The following RAB37 variants were observed in gnomAD, a reference collection of about 807,000 sequenced individuals.
The protein encoded by RAB37 is RAB37, member RAS oncogene family, also known as ras-related protein Rab-37.
A neutral mutation model predicts 33.1 loss-of-function variants in RAB37; 29 were observed. The ratio of observed to expected loss-of-function variants is 0.88; its 90% CI spans 0.65 to 1.20. The LOEUF is 1.20. Ranked by LOEUF, RAB37 falls within the 50% of genes most tolerant of loss-of-function variation. The probability of loss-of-function intolerance (pLI) is 0.00; values close to 1 mark genes in which losing one functional copy is unlikely to be tolerated. For synonymous variants in RAB37, 128 were observed against 119.5 expected, an observed-to-expected ratio of 1.07 and a Z score of -0.47; for missense variants, 299 against 301.1, an observed-to-expected ratio of 0.99 and a Z score of 0.05.
At chr17:74,743,772 T>G (rs1405873441) in intron 5 of RAB37, among the ~76,000 whole-genome samples, 1 of 152,144 alleles carries the variant, frequency 6.6e-6, no homozygotes, top group Non-Finnish European at 1.5e-5. Context: ...AGACAAAAAT[T>G]TGATAAATTC....
At chr17:74,710,797 G>A (rs2033897136) in intron 1 of RAB37, among the ~76,000 whole-genome samples, 1 of 152,000 alleles carries the variant, frequency 6.6e-6, no homozygotes, top group Non-Finnish European at 1.5e-5. Flanking sequence ...AATCTGGGAG[G>A]CAGAGGTTGC....
At chr17:74,743,717 TCAGA>T (rs1381402523) in intron 5 of RAB37, among the ~76,000 whole-genome samples, 2 of 152,062 alleles carry the variant, frequency 1.3e-5, no homozygotes, top group Non-Finnish European at 2.9e-5. Flanking sequence ...AGTGACTCAG[TCAGA>T]CAGAGTGAGT....
chr17:74,736,451 C>A, upstream of RAB37: 4 of 1,231,256 alleles, frequency 3.2e-6, no homozygotes, highest in Admixed American at 3.2e-5. Flanking sequence ...CCTGGGATAT[C>A]CTGGCAGCTC....
rs796560834 is a variant in RAB37, at chr17:74,708,751, CT to C, written c.73-20504del. Among the ~76,000 whole-genome samples, 20 of 152,096 alleles carry C rather than the reference CT, an allele frequency of 1.3e-4. 1 individual carries two copies. The highest frequency in any genetic ancestry group is 4.8e-4 in the African/African-American group (20 of 41,470). ...CTAACACGGTGAAACCCTGTCTCTA[CT>C]AAAAATACAAAAAATTAGCCAGGCG... On this transcript the variant is annotated intron_variant, in intron 1 of 7. Coordinates refer to the RAB37 transcript ENST00000340415.
chr17:74,733,567 G>GA, upstream of RAB37, among the ~76,000 whole-genome samples: 1 of 2,402 alleles, frequency 4.2e-4, no homozygotes, highest in African/African-American at 1.0e-3. Context: ...AGGTGTGTGT[G>GA]TGTGGTGAGG....
intron 1 of RAB37, among the ~76,000 whole-genome samples, chr17:74,724,192 T>C (rs1470049969): frequency 1.3e-5 from 2 of 152,216 alleles, no homozygotes; most frequent in African/African-American, 4.8e-5. Context: ...TTACACATTT[T>C]AGGGAGACAT....
chr17:74,729,234 T>C lies in RAB37; in HGVS notation c.73-22T>C. ...AACTCACATCACAGGCCCTCAGCTCTCTCTCTATTGTTCCCTTCCAGACCA... is the reference window on the plus strand; with the variant it reads ...AACTCACATCACAGGCCCTCAGCTCCCTCTCTATTGTTCCCTTCCAGACCA... On this transcript the variant is annotated intron_variant, in intron 1 of 7. Transcript: ENST00000340415. The surrounding 1 kb of genome is among the most constrained non-coding windows in gnomAD (Gnocchi z 4.2). The C allele has an allele frequency of 1.9e-6, 3 of 1,580,560 alleles. No homozygotes were observed.
intron 1 of RAB37, among the ~76,000 whole-genome samples, chr17:74,688,615 T>C (rs1045634344): frequency 6.7e-6 from 1 of 150,194 alleles, no homozygotes; most frequent in African/African-American, 2.4e-5. Context: ...AGAAAGACTA[T>C]TGACCAATAA....
chr17:74,727,463 G>A (rs1453538388), intron 1 of RAB37, among the ~76,000 whole-genome samples: 1 of 152,238 alleles, frequency 6.6e-6, no homozygotes, highest in Non-Finnish European at 1.5e-5. Context: ...GCAGTATCTG[G>A]AGGGTTGTGC....
intron 1 of RAB37, chr17:74,702,932 G>A: frequency 1.1e-6 from 1 of 942,672 alleles, no homozygotes; most frequent in East Asian, 2.4e-5. Flanking sequence ...CAAGGAGCAT[G>A]CAGGTCCCAG....
intron 1 of RAB37, chr17:74,712,818 G>A (rs748103558): frequency 1.4e-5 from 23 of 1,613,902 alleles, no homozygotes; most frequent in East Asian, 2.2e-5. Context: ...ACCCAGGCCC[G>A]CTCACCTGAG....
At position 74,692,658 on chromosome 17, in the gene RAB37, A is replaced by C. The variant is rs1312103056; in HGVS notation, c.72+21000A>C. ...TCCCTACAATCCCCCCATCCAACAA[A>C]AATCAACCTAGATGAAGTGATAGAC... On this transcript the variant is annotated intron_variant, in intron 1 of 7. Coordinates refer to the RAB37 transcript ENST00000340415. Among the ~76,000 whole-genome samples the C allele has an allele frequency of 5.3e-5, 8 of 152,012 alleles. 1 individual carries two copies. The South Asian group carries it at 1.2e-3, about 24-fold the overall frequency.
intron 1 of RAB37, among the ~76,000 whole-genome samples, chr17:74,701,876 G>C (rs987710453): frequency 3.3e-5 from 5 of 151,250 alleles, no homozygotes; most frequent in Admixed American, 2.6e-4. Flanking sequence ...ACAATTAGCT[G>C]GGTGTGGTGG....
intron 1 of RAB37, among the ~76,000 whole-genome samples, chr17:74,687,518 C>T (rs372692485): frequency 6.6e-6 from 1 of 152,310 alleles, no homozygotes; most frequent in East Asian, 1.9e-4. Context: ...GCCACCACAC[C>T]CAGCCAAGTC....
In RAB37 at chr17:74,742,405, G is replaced by A; in HGVS notation, c.246+110G>A. On this transcript the variant is annotated intron_variant, in intron 3 of 8. Coordinates refer to ENST00000392613, the MANE Select transcript of RAB37 (RefSeq NM_001006638.3). This position sits in a 1 kb window ranked among gnomAD's most constrained non-coding sequence, Gnocchi z 4.0. ...TGCCCTCCGCCTGGGGCAATTTCCT[G>A]TGGGGCCCACGGGAGGAAATGGCTT... is the stretch of plus-strand genomic sequence containing the variant. The A allele has an allele frequency of 1.2e-6, 1 of 817,566 alleles. No homozygotes were observed. Among genetic ancestry groups the A allele is most frequent in the South Asian group, 1.6e-5 (1 of 60,882 alleles). The allele number at this position is 817,566 out of a possible 1,614,324, so 50.6% of individuals were successfully genotyped here.
intron 1 of RAB37, among the ~76,000 whole-genome samples, chr17:74,717,940 C>T (rs1243113797): frequency 6.6e-6 from 1 of 152,082 alleles, no homozygotes; most frequent in Non-Finnish European, 1.5e-5. Flanking sequence ...CCTGAGCCTA[C>T]CAGTGCCTTG....
chr17:74,677,271 T>C (rs1469531384), intron 1 of RAB37: 1 of 152,150 alleles, frequency 6.6e-6, no homozygotes, highest in Non-Finnish European at 1.5e-5. Flanking sequence ...TAGGGAAAGG[T>C]CTGGATACAA....
intron 1 of RAB37, among the ~76,000 whole-genome samples, chr17:74,688,552 C>CAAAAAA (rs34832046): frequency 2.7e-5 from 3 of 113,012 alleles, no homozygotes; most frequent in South Asian, 2.7e-4. Flanking sequence ...GACTGCACCT[C>CAAAAAA]AAAAAAAAAA....
chr17:74,689,005 T>G (rs560274570), intron 1 of RAB37, among the ~76,000 whole-genome samples: 2 of 152,264 alleles, frequency 1.3e-5, no homozygotes, highest in South Asian at 4.1e-4. Flanking sequence ...AAATAAAACA[T>G]GTAGAGGAAA....
Sources: gnomAD v4.1 joint callset for allele counts (sites outside exome capture counted in the v4.1 genomes callset) on GRCh38, gnomAD v4.1.1 for gene constraint, Gnocchi (gnomAD v3.1) non-coding constraint, MANE v1.5 for transcripts, NCBI Gene and HGNC (gene_info 2026-07-23, HGNC 2026-07-21) for gene names.